CTNNA3: variants seen among roughly 807,000 people sequenced by gnomAD.
The protein encoded by CTNNA3 is catenin alpha 3.
In CTNNA3, 76 loss-of-function variants were observed where a neutral mutation model predicts 95.7. The ratio of observed to expected loss-of-function variants is 0.79; its 90% confidence interval spans 0.66 to 0.96. The LOEUF (loss-of-function observed/expected upper bound fraction) is 0.96, where lower values mean the gene tolerates loss of function less well. CTNNA3 is among the 40% of genes least tolerant of loss of function. CTNNA3 has a pLI of 0.00. For synonymous variants in CTNNA3, 431 were observed against 374.4 expected (o/e 1.15, Z -1.74); for missense variants, 1,191 against 1,089.8 (o/e 1.09, Z -1.31).
intron 7 of CTNNA3, among the ~76,000 whole-genome samples, chr10:67,103,317 A>G (rs557489330): frequency 6.6e-6 from 1 of 151,968 alleles, no homozygotes; most frequent in South Asian, 2.1e-4. Context: ...AAAGACAACT[A>G]TATATAAAAT....
chr10:66,842,290 T>G (rs1456875749), intron 7 of CTNNA3, among the ~76,000 whole-genome samples: 1 of 151,994 alleles, frequency 6.6e-6, no homozygotes, highest in Non-Finnish European at 1.5e-5. Context: ...TATATTAGTA[T>G]TGTAATGGAA....
Position 66,391,719 on chromosome 10 carries a change from T to C in CTNNA3, c.1532-12367A>G, listed in dbSNP as rs554213043. On this transcript the variant is annotated intron_variant, in intron 11 of 17. Coordinates refer to ENST00000433211, the MANE Select transcript of CTNNA3 (RefSeq NM_013266.4). ...CCAGTTTTGTTTCTAAATGAGAAAT[T>C]TTATTGAACCATTCTTTATCTAAAT... 1.3e-5 allele frequency among the ~76,000 whole-genome samples: 2 copies of C among 152,198 alleles called. 1 individual carries two copies. Among genetic ancestry groups the C allele is most frequent in the African/African-American group, 4.8e-5 (2 of 41,556 alleles).
chr10:67,243,305 C>T (rs1053979227), intron 5 of CTNNA3, among the ~76,000 whole-genome samples: 3 of 152,130 alleles, frequency 2.0e-5, no homozygotes, highest in African/African-American at 7.2e-5. Context: ...TCTATTATTA[C>T]ACTCATTAAC....
intron 7 of CTNNA3, among the ~76,000 whole-genome samples, chr10:67,164,627 A>G (rs10822993): frequency 0.37 from 56,923 of 152,090 alleles, 15,547 homozygotes; most frequent in African/African-American, 0.78. Flanking sequence ...AAATATTTAC[A>G]AAACTAATAT....
In CTNNA3 at chr10:67,417,065, T is replaced by C. The variant is rs529795160; in HGVS notation, c.579+104777A>G. Among the ~76,000 whole-genome samples, 20 of 152,094 alleles carry C rather than the reference T, an allele frequency of 1.3e-4. No homozygotes were observed. The South Asian group carries it at 3.5e-3, about 27-fold the overall frequency. Reference sequence around the variant, plus strand: ...AACCCAGGTGCCCATCAATGGTAGATTGGATAAAGAAAAAATAGTACATAT... The same window carrying C: ...AACCCAGGTGCCCATCAATGGTAGACTGGATAAAGAAAAAATAGTACATAT... On this transcript the variant is annotated intron_variant, in intron 5 of 17. Coordinates refer to ENST00000433211, the MANE Select transcript of CTNNA3 (RefSeq NM_013266.4).
chr10:66,320,838 G>A (rs916282338), intron 12 of CTNNA3, among the ~76,000 whole-genome samples: 3 of 152,056 alleles, frequency 2.0e-5, no homozygotes, highest in African/African-American at 7.2e-5. Flanking sequence ...TAATGCAAAT[G>A]AAGCTTTTCA....
At chr10:66,052,086 A>G (rs1164040906) in intron 15 of CTNNA3, among the ~76,000 whole-genome samples, 1 of 152,192 alleles carries the variant, frequency 6.6e-6, no homozygotes, top group African/African-American at 2.4e-5. Context: ...AGATAAGTAA[A>G]TATAATGATT....
intron 11 of CTNNA3, among the ~76,000 whole-genome samples, chr10:66,447,444 C>T (rs959026781): frequency 1.5e-5 from 2 of 131,018 alleles, no homozygotes; most frequent in Non-Finnish European, 3.2e-5. Flanking sequence ...GCTACAGTAA[C>T]CAAAACAGCA....
chr10:67,238,773 A>C (rs1388459269), intron 5 of CTNNA3, among the ~76,000 whole-genome samples: 2 of 152,206 alleles, frequency 1.3e-5, no homozygotes, highest in Non-Finnish European at 2.9e-5. Context: ...TTTAGATTTG[A>C]GTAAAATAAA....
At chr10:67,749,852 C>CA (rs554200453) in intron 1 of CTNNA3, among the ~76,000 whole-genome samples, 78 of 151,774 alleles carry the variant, frequency 5.1e-4, no homozygotes, top group Non-Finnish European at 1.0e-3. Context: ...AAAAACCCTT[C>CA]AAAAAAAATC....
At chr10:67,007,666 C>T (rs1286223230) in intron 7 of CTNNA3, among the ~76,000 whole-genome samples, 1 of 151,858 alleles carries the variant, frequency 6.6e-6, no homozygotes, top group Non-Finnish European at 1.5e-5. Context: ...CTTCAAAGAC[C>T]ACTCAACATT....
intron 1 of CTNNA3, among the ~76,000 whole-genome samples, chr10:67,708,108 T>C (rs1841087794): frequency 6.6e-6 from 1 of 152,182 alleles, no homozygotes; most frequent in Non-Finnish European, 1.5e-5. Context: ...ATTAGCTTTG[T>C]TGCCTTGGTA....
intron 14 of CTNNA3, among the ~76,000 whole-genome samples, chr10:66,093,451 C>G (rs915565714): frequency 1.3e-5 from 2 of 151,916 alleles, no homozygotes; most frequent in Non-Finnish European, 2.9e-5. Context: ...GGGAGTTGGG[C>G]TCATCTAGAA....
intron 15 of CTNNA3, among the ~76,000 whole-genome samples, chr10:65,991,777 A>G (rs2133336681): frequency 6.6e-6 from 1 of 152,188 alleles, no homozygotes; most frequent in Middle Eastern, 3.4e-3. Flanking sequence ...AACCTTCAGT[A>G]CTAGAATCCT....
intron 5 of CTNNA3, among the ~76,000 whole-genome samples, chr10:67,289,976 A>C (rs561510398): frequency 6.6e-6 from 1 of 152,112 alleles, no homozygotes; most frequent in South Asian, 2.1e-4. Flanking sequence ...TTTAAAAAAA[A>C]AAAAACATTT....
At chr10:66,204,944 A>G (rs73313918) in intron 13 of CTNNA3, among the ~76,000 whole-genome samples, 27 of 152,290 alleles carry the variant, frequency 1.8e-4, no homozygotes, top group African/African-American at 6.5e-4. Flanking sequence ...TTTATTACCA[A>G]TCCACAGAAT....
intron 9 of CTNNA3, among the ~76,000 whole-genome samples, chr10:66,657,681 T>C (rs1454124882): frequency 6.6e-6 from 1 of 152,218 alleles, no homozygotes; most frequent in Non-Finnish European, 1.5e-5. Context: ...CTTTATAATT[T>C]TTATTTTATT....
intron 13 of CTNNA3, among the ~76,000 whole-genome samples, chr10:66,138,645 A>G (rs1288144537): frequency 6.6e-6 from 1 of 152,188 alleles, no homozygotes; most frequent in Non-Finnish European, 1.5e-5. Context: ...CCTGGCCAGC[A>G]TGGTGAAACC....
chr10:67,077,336 T>A (rs188398864), intron 7 of CTNNA3, among the ~76,000 whole-genome samples: 1 of 152,182 alleles, frequency 6.6e-6, no homozygotes, highest in African/African-American at 2.4e-5. Flanking sequence ...TATGATAAAG[T>A]CTAAATCCTT....
Sources: allele counts gnomAD v4.1 joint callset (sites outside exome capture counted in the v4.1 genomes callset), GRCh38; gene constraint gnomAD v4.1.1; transcripts MANE v1.5; gene names NCBI Gene and HGNC (gene_info 2026-07-23, HGNC 2026-07-21).